ARID2: variants seen among roughly 807,000 people sequenced by gnomAD.
ARID2 encodes AT-rich interactive domain-containing protein 2.
In ARID2, 32 loss-of-function variants were observed where a neutral mutation model predicts 184.6. That is an observed-to-expected ratio of 0.17 (90% CI 0.13 to 0.23). ARID2 has a LOEUF of 0.23. Among genes scored for constraint, ARID2 ranks in the 10% least tolerant of loss-of-function variants. The probability of loss-of-function intolerance (pLI) is 1.00; values close to 1 mark genes in which losing one functional copy is unlikely to be tolerated. For synonymous variants in ARID2, 836 were observed against 772.6 expected, an observed-to-expected ratio of 1.08 and a Z score of -1.36; for missense variants, 1,696 against 2,197.6, an observed-to-expected ratio of 0.77 and a Z score of 4.56.
chr12:45,878,011 T>TAA (rs1231188523), intron 16 of ARID2, among the ~76,000 whole-genome samples: 13 of 152,322 alleles, frequency 8.5e-5, no homozygotes, highest in African/African-American at 3.1e-4. Context: ...TCTAGGTTAG[T>TAA]GGATGTTTAT....
chr12:45,761,463 T>C (rs1396381877), intron 3 of ARID2, among the ~76,000 whole-genome samples: 2 of 152,214 alleles, frequency 1.3e-5, no homozygotes. Context: ...CATTCACAAT[T>C]AAGTGATAAT....
chr12:45,892,473 CATT>C (rs1440626328), intron 18 of ARID2, among the ~76,000 whole-genome samples: 1 of 121,696 alleles, frequency 8.2e-6, no homozygotes, highest in East Asian at 2.2e-4. Flanking sequence ...CATATCTTGT[CATT>C]ATCATATATA....
intron 4 of ARID2, among the ~76,000 whole-genome samples, chr12:45,814,674 A>T (rs1458482534): frequency 6.6e-6 from 1 of 152,168 alleles, no homozygotes; most frequent in Admixed American, 6.5e-5. Context: ...TTCCCTCCTC[A>T]TTCCAGTTAT....
intron 16 of ARID2, among the ~76,000 whole-genome samples, chr12:45,863,330 A>G (rs1429033217): frequency 1.3e-5 from 2 of 152,250 alleles, no homozygotes; most frequent in African/African-American, 4.8e-5. Flanking sequence ...GCTCTTATTC[A>G]TATTTAGTTC....
Position 45,850,212 on chromosome 12 carries a change from A to G in ARID2, c.2089A>G (p.Asn697Asp), listed in dbSNP as rs1943520294. ...TTCACCTCATACCCACCAGCAACAA[A>G]ATGCTCCAGTGACTGTCATTCAAAG... is the stretch of plus-strand genomic sequence containing the variant. ...NPSPHTHQQQ[N>D]APVTVIQSKA... The change falls in exon 15 of 21, where the codon AAT becomes GAT. Residue 697 changes from asparagine (N) to aspartate (D), a missense_variant. This residue lies in a region of ARID2 where 713 missense variants were observed against 824.4 expected (regional missense o/e 0.86). Coordinates refer to ENST00000334344, the MANE Select transcript of ARID2 (RefSeq NM_152641.4). The G allele has an allele frequency of 1.2e-6, 2 of 1,614,090 alleles. No homozygotes were observed. The highest frequency in any genetic ancestry group is 1.7e-6 in the Non-Finnish European group (2 of 1,179,994).
At chr12:45,783,409 A>G (rs1444381850) in intron 3 of ARID2, among the ~76,000 whole-genome samples, 2 of 152,234 alleles carry the variant, frequency 1.3e-5, no homozygotes, top group African/African-American at 4.8e-5. Flanking sequence ...TCAGTAAATG[A>G]GGAAAATAAA....
In ARID2 at chr12:45,851,678, A is replaced by G; in HGVS notation, c.3555A>G (p.Ala1185=). 1 of 1,614,168 alleles carries G rather than the reference A, an allele frequency of 6.2e-7. No individual in the cohort carries two copies. The highest frequency in any genetic ancestry group is 8.5e-7 in the Non-Finnish European group (1 of 1,180,020). Residue 1185 remains alanine (A), a synonymous_variant, in exon 15 of 21, where the codon GCA becomes GCG. Transcript: ENST00000334344. ...TVVPNTSFAP[A]TVSQGNATQL... ...TGCCAAATACGAGTTTTGCACCTGC[A>G]ACTGTGAGTCAGGGAAATGCAACTC... is the stretch of plus-strand genomic sequence containing the variant.
At chr12:45,803,502 T>C (rs1942545317) in intron 3 of ARID2, among the ~76,000 whole-genome samples, 1 of 152,200 alleles carries the variant, frequency 6.6e-6, no homozygotes, top group East Asian at 1.9e-4. Context: ...TACTTCAAAT[T>C]CTGGATACTT....
At chr12:45,732,037 G>A (rs893442717) in intron 3 of ARID2, among the ~76,000 whole-genome samples, 1 of 150,040 alleles carries the variant, frequency 6.7e-6, no homozygotes, top group African/African-American at 2.4e-5. Context: ...GTTGGTATGT[G>A]ATACAGTCTA....
At chr12:45,776,524 C>T (rs1025463897) in intron 3 of ARID2, among the ~76,000 whole-genome samples, 3 of 152,108 alleles carry the variant, frequency 2.0e-5, no homozygotes, top group African/African-American at 7.2e-5. Flanking sequence ...AAAAAGCCCT[C>T]AAAATATTTA....
intron 3 of ARID2, among the ~76,000 whole-genome samples, chr12:45,760,966 G>A (rs979229318): frequency 1.3e-5 from 2 of 152,100 alleles, no homozygotes; most frequent in Non-Finnish European, 2.9e-5. Context: ...GATTTAAGCA[G>A]TCCTTCCATG....
chr12:45,798,489 A>G (rs1942434240), intron 3 of ARID2, among the ~76,000 whole-genome samples: 1 of 152,230 alleles, frequency 6.6e-6, no homozygotes, highest in Admixed American at 6.5e-5. Flanking sequence ...TTCAGGCAGG[A>G]GAATCCATCT....
At chr12:45,857,297 T>G (rs1943666955) in intron 15 of ARID2, among the ~76,000 whole-genome samples, 1 of 152,202 alleles carries the variant, frequency 6.6e-6, no homozygotes, top group Admixed American at 6.5e-5. Flanking sequence ...AGAAAGTTAC[T>G]CAACCCATCA....
In ARID2 at chr12:45,851,825, T is replaced by G; in HGVS notation, c.3702T>G (p.Thr1234=). 1.2e-6 allele frequency: 2 copies of G among 1,614,032 alleles called. No homozygotes were observed. Among genetic ancestry groups the G allele is most frequent in the Non-Finnish European group, 1.7e-6 (2 of 1,179,994 alleles). The change falls in exon 15 of 21, where the codon ACT becomes ACG. Residue 1234 remains threonine, a synonymous_variant. Transcript: ENST00000334344. ...GACAATCATCATGTACTACTGCTAC[T>G]CCCCCATTCAAAGGTGATAAAATAA... ...PAGQSSCTTA[T]PPFKGDKIIC...
chr12:45,860,720 A>G, intron 15 of ARID2, 81 bp from the exon 16 acceptor site: 1 of 1,205,158 alleles, frequency 8.3e-7, no homozygotes, highest in Non-Finnish European at 1.1e-6. Flanking sequence ...TAACAACATA[A>G]TCAAATTTAT....
chr12:45,803,996 T>C (rs1335065858), intron 3 of ARID2, among the ~76,000 whole-genome samples: 1 of 151,792 alleles, frequency 6.6e-6, no homozygotes, highest in Non-Finnish European at 1.5e-5. Flanking sequence ...ACATATGGAG[T>C]GCCTGATATA....
intron 11 of ARID2, among the ~76,000 whole-genome samples, chr12:45,846,602 A>G (rs1943445674): frequency 6.6e-6 from 1 of 152,118 alleles, no homozygotes; most frequent in Non-Finnish European, 1.5e-5. Flanking sequence ...TAAATCATCC[A>G]TATTAATTGT....
At chr12:45,903,268 G>C (rs1378667192) in intron 20 of ARID2, among the ~76,000 whole-genome samples, 1 of 151,890 alleles carries the variant, frequency 6.6e-6, no homozygotes, top group East Asian at 1.9e-4. Context: ...TTCCAATTTG[G>C]GGCTATTAAG....
At position 45,860,943 on chromosome 12, in the gene ARID2, G is replaced by A; in HGVS notation, c.4916G>A (p.Cys1639Tyr). Residue 1639 changes from cysteine to tyrosine, a missense_variant, in exon 16 of 21, where the codon TGT (cysteine) becomes TAT (tyrosine). Transcript: ENST00000334344. The part of the protein sequence containing the change: ...GQNFMCLWQS[C>Y]KKWFQTPSQV... ...AACTTCATGTGTCTGTGGCAGTCTT[G>A]TAAAAAGTAAATGGCAATTTTATTT... 1 of 1,555,646 alleles carries A rather than the reference G, an allele frequency of 6.4e-7. No homozygotes were observed. The highest frequency in any genetic ancestry group is 8.7e-7 in the Non-Finnish European group (1 of 1,153,670).
Sources: gnomAD v4.1 joint callset for allele counts (sites outside exome capture counted in the v4.1 genomes callset) on GRCh38, gnomAD v4.1.1 for gene constraint, gnomAD v4.1.1 regional missense constraint, MANE v1.5 for transcripts, NCBI Gene and HGNC (gene_info 2026-07-23, HGNC 2026-07-21) for gene names.